Variants in COL6A6 observed in about 807,000 individuals in gnomAD.
COL6A6 encodes the protein collagen alpha-6(VI) chain.
Under a neutral mutation model 208.6 loss-of-function variants are expected in COL6A6, and 183 were observed. The observed-to-expected ratio is 0.88, with a 90% CI of 0.78 to 0.99. The LOEUF is 0.99. Among genes scored for constraint, COL6A6 ranks in the 50% least tolerant of loss-of-function variants. The pLI, the probability that COL6A6 is intolerant of heterozygous loss-of-function variation, is 0.00. For synonymous variants in COL6A6, 973 were observed against 1,011.8 expected, an observed-to-expected ratio of 0.96 and a Z score of 0.73; for missense variants, 2,816 against 2,815.2, an observed-to-expected ratio of 1.00 and a Z score of -0.01.
Position 130,574,503 on chromosome 3 carries a change from CTG to C in COL6A6, c.3527_3528del (p.Cys1176TyrfsTer5). On this transcript the variant is annotated frameshift_variant, in exon 8 of 37. Coordinates refer to ENST00000358511, the MANE Select transcript of COL6A6 (RefSeq NM_001102608.3). LOFTEE classifies it high-confidence loss of function. ...KVNKRIVRNI[C>X]TTAGESNCFV... ...TCAATAAAAGGATCGTTCGCAACAT[CTG>C]TACCACAGCGGGTGAAAGCAGTAAG... The C allele has an allele frequency of 1.2e-6, 2 of 1,613,904 alleles. No individual in the cohort carries two copies. The highest frequency in any genetic ancestry group is 1.7e-6 in the Non-Finnish European group (2 of 1,179,844).
At chr3:130,606,547 C>T (rs571013431) in intron 20 of COL6A6, among the ~76,000 whole-genome samples, 87 of 152,280 alleles carry the variant, frequency 5.7e-4, no homozygotes, top group Admixed American at 4.4e-3. Flanking sequence ...CCCCTGATTC[C>T]TGGATTCCTT....
intron 36 of COL6A6, among the ~76,000 whole-genome samples, chr3:130,671,428 T>G (rs936974683): frequency 6.6e-6 from 1 of 152,186 alleles, no homozygotes; most frequent in Non-Finnish European, 1.5e-5. Context: ...TCCTATGTAT[T>G]TGAAATGGTG....
In COL6A6 at chr3:130,560,349, T is replaced by C; in HGVS notation, c.-16T>C. On this transcript the variant is annotated 5_prime_UTR_variant, in exon 2 of 37. Coordinates refer to ENST00000358511, the MANE Select transcript of COL6A6 (RefSeq NM_001102608.3). ...GCCTTTTCAGATTTGAAGTTGAAGA[T>C]TTTTCAGGTCATAATATGATGTTGC... 1.2e-6 allele frequency: 2 copies of C among 1,601,596 alleles called. No homozygotes were observed. Among genetic ancestry groups the C allele is most frequent in the Non-Finnish European group, 1.7e-6 (2 of 1,175,132 alleles).
At chr3:130,588,296 G>C (rs1037251196) in intron 11 of COL6A6, among the ~76,000 whole-genome samples, 6 of 152,202 alleles carry the variant, frequency 3.9e-5, no homozygotes, top group African/African-American at 1.4e-4. Context: ...ACAATACAAA[G>C]ATTGGTTCTG....
chr3:130,552,627 C>T (rs1335379575), intron 1 of COL6A6, among the ~76,000 whole-genome samples: 1 of 152,116 alleles, frequency 6.6e-6, no homozygotes, highest in Non-Finnish European at 1.5e-5. Flanking sequence ...TAATTGGGGG[C>T]ATTTAGCCTG....
intron 24 of COL6A6, among the ~76,000 whole-genome samples, chr3:130,625,428 T>C (rs1424110052): frequency 6.6e-6 from 1 of 152,176 alleles, no homozygotes; most frequent in Non-Finnish European, 1.5e-5. Context: ...GAAACTTGAC[T>C]GCCATTATCT....
At chr3:130,534,587 C>T (rs562779137) in intron 1 of COL6A6, among the ~76,000 whole-genome samples, 1 of 152,134 alleles carries the variant, frequency 6.6e-6, no homozygotes, top group Non-Finnish European at 1.5e-5. Context: ...GTGATTTTAT[C>T]AGAGTTTAGT....
intron 1 of COL6A6, among the ~76,000 whole-genome samples, chr3:130,542,533 TA>T (rs1294673216): frequency 1.3e-5 from 2 of 152,220 alleles, no homozygotes; most frequent in African/African-American, 4.8e-5. Flanking sequence ...GTATCCATTA[TA>T]TACAGTTGAT....
Position 130,621,878 on chromosome 3 carries a change from A to G in COL6A6, c.4873A>G (p.Asn1625Asp). 2 of 1,613,496 alleles carry G rather than the reference A, an allele frequency of 1.2e-6. No individual in the cohort carries two copies. ...GNQGRLGSQG[N>D]KGEPGDLGEK... ...TCAAGGCCGTTTGGGAAGCCAAGGA[A>G]ATAAAGTAGGTCACATTCTTTATAC... The change falls in exon 24 of 37, where the codon AAT becomes GAT. Residue 1625 changes from asparagine (N) to aspartate (D), a missense_variant. Asn to Asp is a conservative substitution (Grantham distance 23). Transcript: ENST00000358511.
At position 130,571,163 on chromosome 3, in the gene COL6A6, T is replaced by G. The variant is rs61730505; in HGVS notation, c.2747T>G (p.Ile916Ser). 1 of 1,613,408 alleles carries G rather than the reference T, an allele frequency of 6.2e-7. No individual in the cohort carries two copies. Among genetic ancestry groups the G allele is most frequent in the Non-Finnish European group, 8.5e-7 (1 of 1,179,502 alleles). ...AACAAGGGGGTCCCCCAAGTCCTCA[T>G]TGTGATCACCGATGGGGAATCCCAT... ...RLNKGVPQVL[I>S]VITDGESHDA... Residue 916 changes from isoleucine to serine, a missense_variant, in exon 7 of 37, where the codon ATT (isoleucine) becomes AGT (serine). Coordinates refer to ENST00000358511, the MANE Select transcript of COL6A6 (RefSeq NM_001102608.3).
At chr3:130,589,316 T>C (rs183773840) in intron 12 of COL6A6, 134 bp downstream of exon 12, 2 of 575,500 alleles carry the variant, frequency 3.5e-6, no homozygotes, top group Middle Eastern at 2.8e-4. Flanking sequence ...TACTCCTCTT[T>C]TTATATGTTA....
At chr3:130,619,946 A>AT (rs1299547483) in intron 23 of COL6A6, among the ~76,000 whole-genome samples, 2 of 151,882 alleles carry the variant, frequency 1.3e-5, no homozygotes, top group East Asian at 1.9e-4. Context: ...AATTTTATTT[A>AT]TTTTTTTAGA....
Position 130,673,010 on chromosome 3 carries a change from C to CAA in COL6A6, c.6597-2174_6597-2173dup, listed in dbSNP as rs57517362. Among the ~76,000 whole-genome samples the CAA allele has an allele frequency of 5.7e-3, 549 of 96,296 alleles. 1 individual carries two copies. Among genetic ancestry groups the CAA allele is most frequent in the Non-Finnish European group, 8.4e-3 (406 of 48,264 alleles). The allele number at this position is 96,296 out of a possible 152,430, so 63.2% of individuals were successfully genotyped here. On this transcript the variant is annotated intron_variant, in intron 36 of 36. Coordinates refer to ENST00000358511, the MANE Select transcript of COL6A6 (RefSeq NM_001102608.3). ...CTGGCAACAGAGCAAGACACCATCT[C>CAA]AAAAAAAAAAAAAAAAAAATTAGTT...
chr3:130,657,268 C>A (rs974864805), intron 33 of COL6A6, among the ~76,000 whole-genome samples: 1 of 152,234 alleles, frequency 6.6e-6, no homozygotes, highest in African/African-American at 2.4e-5. Flanking sequence ...GCACAGCCTG[C>A]CAGGCTGAAT....
chr3:130,648,772 T>C (rs1472568121), intron 32 of COL6A6, among the ~76,000 whole-genome samples: 1 of 152,204 alleles, frequency 6.6e-6, no homozygotes, highest in Non-Finnish European at 1.5e-5. Flanking sequence ...TGAAGGGTAT[T>C]TCCAGGAGCT....
chr3:130,649,694 G>T, intron 33 of COL6A6, 132 bp downstream of exon 33: 3 of 917,802 alleles, frequency 3.3e-6, no homozygotes, highest in Non-Finnish European at 4.8e-6. Flanking sequence ...TGGCAGAGTA[G>T]AATAAGTATT....
intron 1 of COL6A6, among the ~76,000 whole-genome samples, chr3:130,540,241 C>T (rs2062329172): frequency 6.6e-6 from 1 of 152,172 alleles, no homozygotes; most frequent in Non-Finnish European, 1.5e-5. Flanking sequence ...GGACAGATTT[C>T]CCATATATCC....
chr3:130,654,683 A>G (rs953500939), intron 33 of COL6A6, among the ~76,000 whole-genome samples: 2 of 152,214 alleles, frequency 1.3e-5, no homozygotes, highest in South Asian at 4.1e-4. Context: ...ACGTTCCAGT[A>G]GGTTCATTTT....
Position 130,593,061 on chromosome 3 carries a change from G to A in COL6A6, c.4372G>A (p.Gly1458Arg), listed in dbSNP as rs764562594. The change falls in exon 16 of 37, where the codon GGA becomes AGA. Residue 1458 changes from glycine (G) to arginine (R), a missense_variant and splice_region_variant. Coordinates refer to ENST00000358511, the MANE Select transcript of COL6A6 (RefSeq NM_001102608.3). Reference protein sequence around the residue: ...KGNRGLNGQEGEVGENGIDGL... With the variant: ...KGNRGLNGQEREVGENGIDGL... ...GTTCTAATCATATCTATCTTTTCAG[G>A]GAGAAGTTGGGGAAAATGGAATTGA... is the stretch of plus-strand genomic sequence containing the variant. The A allele has an allele frequency of 3.7e-6, 6 of 1,613,198 alleles. No homozygotes were observed. Among genetic ancestry groups the A allele is most frequent in the Non-Finnish European group, 5.1e-6 (6 of 1,179,224 alleles).
Sources: gnomAD v4.1 joint callset for allele counts (sites outside exome capture counted in the v4.1 genomes callset) on GRCh38, gnomAD v4.1.1 for gene constraint, MANE v1.5 for transcripts, NCBI Gene and HGNC (gene_info 2026-07-23, HGNC 2026-07-21) for gene names.